The following RAX variants were observed in gnomAD, a reference collection of about 807,000 sequenced individuals.
RAX encodes the protein retina and anterior neural fold homeobox, also known as retinal homeobox protein Rx.
A neutral mutation model predicts 17.4 loss-of-function variants in RAX; 11 were observed. That is an observed-to-expected ratio of 0.63 (90% CI 0.40 to 1.05). The LOEUF (loss-of-function observed/expected upper bound fraction) is 1.05, where lower values mean the gene tolerates loss of function less well. Among genes scored for constraint, RAX ranks in the 50% least tolerant of loss-of-function variants. The pLI, the probability that RAX is intolerant of heterozygous loss-of-function variation, is 0.00. For missense variants in RAX, 527 were observed against 501.1 expected, an observed-to-expected ratio of 1.05 and a Z score of -0.49; for synonymous variants, 276 against 254.7, an observed-to-expected ratio of 1.08 and a Z score of -0.80.
Position 59,268,741 on chromosome 18 carries a change from C to A in RAX, c.*263G>T. On this transcript the variant is annotated 3_prime_UTR_variant, in exon 3 of 3. Coordinates refer to ENST00000334889, the MANE Select transcript of RAX (RefSeq NM_013435.3). This position sits in a 1 kb window ranked among gnomAD's most constrained non-coding sequence, Gnocchi z 4.4. ...ATGGGAGCGGCGTGGCCAGCGGGGC[C>A]CGGCAGCCTGTTGCCCTCCAGCTGC... is the stretch of plus-strand genomic sequence containing the variant. 1 of 592,950 alleles carries A rather than the reference C, an allele frequency of 1.7e-6. No individual in the cohort carries two copies. Among genetic ancestry groups the A allele is most frequent in the Non-Finnish European group, 2.9e-6 (1 of 344,678 alleles). The allele number at this position is 592,950 out of a possible 1,614,324, so 36.7% of individuals were successfully genotyped here.
chr18:59,269,210 G>C lies in RAX; in HGVS notation c.835C>G (p.Pro279Ala), dbSNP rs886054025. The C allele has an allele frequency of 2.0e-6, 3 of 1,530,578 alleles. No homozygotes were observed. The highest frequency in any genetic ancestry group is 5.0e-5 in the East Asian group (2 of 40,056). 94.8% of individuals were successfully genotyped at this position (1,530,578 alleles called of 1,614,324 possible). Residue 279 changes from proline (P) to alanine (A), a missense_variant, in exon 3 of 3, where the codon CCG becomes GCG. Coordinates refer to ENST00000334889, the MANE Select transcript of RAX (RefSeq NM_013435.3). ...SLPASYTPPP[P>A]PPPFLNSPPL... ...GGGGAGTTCAGGAAGGGCGGAGGCG[G>C]CGGCGGTGGCGTGTAGCTGGCAGGC... is the stretch of plus-strand genomic sequence containing the variant.
Position 59,267,440 on chromosome 18 carries a change from A to G in RAX, c.*1564T>C, listed in dbSNP as rs45567434. 2,770 of 152,334 alleles carry G rather than the reference A, an allele frequency of 0.018. 32 individuals are homozygous for G. The highest frequency in any genetic ancestry group is 0.028 in the Non-Finnish European group (1,891 of 68,018). 9.4% of individuals were successfully genotyped at this position (152,334 alleles called of 1,614,324 possible). The stretch of plus-strand genomic sequence containing the variant: ...TGCCAGGGTCTTGGTACTTTCCACA[A>G]AGCCTTTACAGGTGATCTTATTCCA... On this transcript the variant is annotated 3_prime_UTR_variant, in exon 3 of 3. Coordinates refer to ENST00000334889, the MANE Select transcript of RAX (RefSeq NM_013435.3).
In RAX at chr18:59,273,129, G is replaced by T. The variant is rs2070355189; in HGVS notation, c.78C>A (p.Gly26=). The T allele has an allele frequency of 3.3e-6, 5 of 1,534,884 alleles. No individual in the cohort carries two copies. Among genetic ancestry groups the T allele is most frequent in the Non-Finnish European group, 4.4e-6 (5 of 1,146,320 alleles). ...TGCTGTGAAGTCGCGAGGTGCTCCC[G>T]CCCGGGCTGCGGAGCAGGTGGCCGG... ...SLAGHLLRSP[G]GSTSRLHSIE... is the part of the protein sequence containing the mutation. The change falls in exon 1 of 3, where the codon GGC becomes GGA. Residue 26 remains glycine (G), a synonymous_variant. Transcript: ENST00000334889.
rs2070358796 is a variant in RAX, at chr18:59,273,399, G to A, written c.-193C>T. 3.2e-6 allele frequency: 2 copies of A among 616,202 alleles called. No homozygotes were observed. Among genetic ancestry groups the A allele is most frequent in the Non-Finnish European group, 5.3e-6 (2 of 375,722 alleles). The allele number at this position is 616,202 out of a possible 1,614,324, so 38.2% of individuals were successfully genotyped here. ...CGCTGCCGCCTTAGTCCCAGAAGTC[G>A]GAAGTTCGGGCTCGGGGTAGCTGGG... On this transcript the variant is annotated 5_prime_UTR_variant, in exon 1 of 3. Coordinates refer to ENST00000334889, the MANE Select transcript of RAX (RefSeq NM_013435.3).
intron 1 of RAX, 86 bp from the exon 2 acceptor site, chr18:59,272,700 C>A: frequency 6.8e-7 from 1 of 1,479,136 alleles, no homozygotes; most frequent in Non-Finnish European, 8.9e-7. Context: ...ACTGGCCAGC[C>A]CGCCTGCGGG....
In RAX at chr18:59,267,042, T is replaced by A. The variant is rs950614606; in HGVS notation, c.*1962A>T. Reference sequence around the variant, plus strand: ...AGGCCAAACACACATTCATTCTGGTTTTGTTTTGTTTTGTTTTCTTGCTAA... The same window carrying A: ...AGGCCAAACACACATTCATTCTGGTATTGTTTTGTTTTGTTTTCTTGCTAA... On this transcript the variant is annotated 3_prime_UTR_variant, in exon 3 of 3. Coordinates refer to ENST00000334889, the MANE Select transcript of RAX (RefSeq NM_013435.3). 2.6e-5 allele frequency: 4 copies of A among 152,194 alleles called. No individual in the cohort carries two copies. Among genetic ancestry groups the A allele is most frequent in the African/African-American group, 9.7e-5 (4 of 41,428 alleles). 9.4% of individuals were successfully genotyped at this position (152,194 alleles called of 1,614,324 possible).
Position 59,272,929 on chromosome 18 carries a change from G to T in RAX, c.278C>A (p.Pro93His). 6.8e-7 allele frequency: 1 copy of T among 1,471,394 alleles called. No homozygotes were observed. The highest frequency in any genetic ancestry group is 8.9e-7 in the Non-Finnish European group (1 of 1,129,562). The allele number at this position is 1,471,394 out of a possible 1,614,324, so 91.1% of individuals were successfully genotyped here. A position where few individuals can be genotyped will look rare whatever the true frequency, so the allele number is the denominator to read the frequency against. Residue 93 changes from proline (P) to histidine (H), a missense_variant, in exon 1 of 3, where the codon CCC (proline) becomes CAC (histidine). Coordinates refer to ENST00000334889, the MANE Select transcript of RAX (RefSeq NM_013435.3). The part of the protein sequence containing the change: ...PSPPPAPAPA[P>H]EYEAPRPYCP... ...GGGTGCGCACTCACCTTCGTACTCG[G>T]GGGCGGGCGCCGGGGCTGGCGGCGG...
Position 59,272,605 on chromosome 18 carries a change from G to C in RAX, c.299C>G (p.Pro100Arg). The change falls in exon 2 of 3, where the codon CCC (proline) becomes CGC (arginine). Residue 100 changes from proline (P) to arginine (R), a missense_variant. By Grantham distance (103) the Pro-to-Arg change is moderately radical (BLOSUM62 -2). Coordinates refer to ENST00000334889, the MANE Select transcript of RAX (RefSeq NM_013435.3). ...CTCCCCGGGCTCCTTGGGGCAGTAG[G>C]GTCGAGGGGCTGGGGCGACGAGGCC... ...APAPEYEAPR[P>R]YCPKEPGEAR... The C allele has an allele frequency of 6.2e-7, 1 of 1,611,486 alleles. No homozygotes were observed. The highest frequency in any genetic ancestry group is 8.5e-7 in the Non-Finnish European group (1 of 1,179,512).
chr18:59,271,555 C>T (rs575263343), intron 2 of RAX, among the ~76,000 whole-genome samples: 17 of 152,322 alleles, frequency 1.1e-4, no homozygotes, highest in Non-Finnish European at 1.9e-4. Context: ...ATAAAAGCTC[C>T]GAACACTTGA....
intron 2 of RAX, among the ~76,000 whole-genome samples, chr18:59,270,578 G>T (rs1265858677): frequency 2.0e-5 from 3 of 152,198 alleles, no homozygotes; most frequent in African/African-American, 7.2e-5. Context: ...AGCCAAACTG[G>T]TGGCTTTAGT....
At position 59,269,051 on chromosome 18, in the gene RAX, C is replaced by A. The variant is rs1376038863; in HGVS notation, c.994G>T (p.Ala332Ser). The A allele has an allele frequency of 1.2e-6, 2 of 1,612,982 alleles. No homozygotes were observed. Among genetic ancestry groups the A allele is most frequent in the Admixed American group, 3.3e-5 (2 of 60,026 alleles). ...CCGATGGCCTGGATGTGCTCCTTGG[C>A]TTTCAGACGCAGCGCCGCGATGCTG... ...NSSIAALRLK[A>S]KEHIQAIGKP... Residue 332 changes from alanine (A) to serine (S), a missense_variant, in exon 3 of 3, where the codon GCC becomes TCC. By Grantham distance (99) the Ala-to-Ser change is moderately conservative. Coordinates refer to ENST00000334889, the MANE Select transcript of RAX (RefSeq NM_013435.3).
chr18:59,272,315 G>A (rs1483622579), intron 2 of RAX, 46 bp downstream of exon 2: 1 of 1,613,594 alleles, frequency 6.2e-7, no homozygotes, highest in African/African-American at 1.3e-5. Context: ...TGCAATTTGG[G>A]CCTCGGGCCC....
At position 59,269,207 on chromosome 18, in the gene RAX, G is replaced by T. The variant is rs368382344; in HGVS notation, c.838C>A (p.Pro280Thr). ...LPASYTPPPP[P>T]PPFLNSPPLG... ...GGCGGGGAGTTCAGGAAGGGCGGAG[G>T]CGGCGGCGGTGGCGTGTAGCTGGCA... Residue 280 changes from proline (P) to threonine (T), a missense_variant, in exon 3 of 3, where the codon CCT becomes ACT. Physicochemically the swap from Pro to Thr is conservative, Grantham distance 38. Transcript: ENST00000334889. 67 of 1,534,154 alleles carry T rather than the reference G, an allele frequency of 4.4e-5. No individual in the cohort carries two copies. Among genetic ancestry groups the T allele is most frequent in the Non-Finnish European group, 5.6e-5 (64 of 1,145,178 alleles).
intron 2 of RAX, among the ~76,000 whole-genome samples, chr18:59,270,997 G>A (rs1421070517): frequency 6.6e-6 from 1 of 152,170 alleles, no homozygotes; most frequent in Non-Finnish European, 1.5e-5. Context: ...AAGGATTGAG[G>A]TCGGTTATTG....
chr18:59,273,032 C>T lies in RAX; in HGVS notation c.175G>A (p.Gly59Ser). ...AGCCTCCTATCCCGCTCCTTCGCGC[C>T]CCGGGCGCCCCGCTCCGCCGGGAAG... ...GTFPAERGAR[G>S]AKERDRRLGA... The change falls in exon 1 of 3, where the codon GGC (glycine) becomes AGC (serine). Residue 59 changes from glycine to serine, a missense_variant. Transcript: ENST00000334889. 6.5e-7 allele frequency: 1 copy of T among 1,534,498 alleles called. No homozygotes were observed. Among genetic ancestry groups the T allele is most frequent in the Non-Finnish European group, 8.7e-7 (1 of 1,146,296 alleles).
At chr18:59,269,736 CTCTTTTTT>C (rs1260159712) in intron 2 of RAX, among the ~76,000 whole-genome samples, 1 of 74,234 alleles carries the variant, frequency 1.3e-5, no homozygotes, top group Non-Finnish European at 3.3e-5. Flanking sequence ...CTCTCTCTCT[CTCTTTTTT>C]TTTTTTTTTT....
At position 59,273,224 on chromosome 18, in the gene RAX, G is replaced by C. The variant is rs1022600096; in HGVS notation, c.-18C>G. 1.1e-5 allele frequency: 16 copies of C among 1,523,586 alleles called. No homozygotes were observed. In the East Asian group the frequency reaches 3.7e-4, roughly 36 times the overall value. The allele number at this position is 1,523,586 out of a possible 1,614,324, so 94.4% of individuals were successfully genotyped here. On this transcript the variant is annotated 5_prime_UTR_variant, in exon 1 of 3. Transcript: ENST00000334889. ...AGGTGCATGGGGAGCGCCGGGAGGCGGGAGGGCGCTTTGGAGACGGAGAGG... is the reference window on the plus strand; with the variant it reads ...AGGTGCATGGGGAGCGCCGGGAGGCCGGAGGGCGCTTTGGAGACGGAGAGG...
Position 59,272,417 on chromosome 18 carries a change from C to T in RAX, c.487G>A (p.Val163Met). The change falls in exon 2 of 3, where the codon GTG becomes ATG. Residue 163 changes from valine to methionine, a missense_variant. Transcript: ENST00000334889. Reference sequence around the variant, plus strand: ...CCGGCCAGCTCCTCGCGGCTGTACACGTCCGGGTAGTGGGACTTCTCGAAC... The same window carrying T: ...CCGGCCAGCTCCTCGCGGCTGTACATGTCCGGGTAGTGGGACTTCTCGAAC... The part of the protein sequence containing the change: ...RAFEKSHYPD[V>M]YSREELAGKV... 6.2e-7 allele frequency: 1 copy of T among 1,614,256 alleles called. No homozygotes were observed. Among genetic ancestry groups the T allele is most frequent in the Non-Finnish European group, 8.5e-7 (1 of 1,180,048 alleles).
chr18:59,271,787 T>G (rs1280520832), intron 2 of RAX, among the ~76,000 whole-genome samples: 9 of 152,244 alleles, frequency 5.9e-5, no homozygotes, highest in Non-Finnish European at 8.8e-5. Flanking sequence ...TAATTCAGCT[T>G]TAATTAAAGC....
Sources: allele counts gnomAD v4.1 joint callset (sites outside exome capture counted in the v4.1 genomes callset), GRCh38; gene constraint gnomAD v4.1.1; non-coding constraint Gnocchi (gnomAD v3.1); transcripts MANE v1.5; gene names NCBI Gene and HGNC (gene_info 2026-07-23, HGNC 2026-07-21).